ABCB11: variants seen among roughly 807,000 people sequenced by gnomAD.
ABCB11 encodes the protein bile salt export pump.
A neutral mutation model predicts 148.0 loss-of-function variants in ABCB11; 95 were observed. The ratio of observed to expected loss-of-function variants is 0.64; its 90% CI spans 0.54 to 0.76. ABCB11 has a LOEUF of 0.76. ABCB11 is among the 30% of genes least tolerant of loss of function. The probability of loss-of-function intolerance (pLI) is 0.00; values close to 1 mark genes in which losing one functional copy is unlikely to be tolerated. For synonymous variants in ABCB11, 591 were observed against 555.4 expected, an observed-to-expected ratio of 1.06 and a Z score of -0.90; for missense variants, 1,523 against 1,617.8, an observed-to-expected ratio of 0.94 and a Z score of 1.01.
At chr2:169,019,023 CAG>C (rs4148771) in intron 1 of ABCB11, among the ~76,000 whole-genome samples, 14,453 of 151,984 alleles carry the variant, frequency 0.095, 1,125 homozygotes, top group African/African-American at 0.22. Flanking sequence ...CCAAATCAAA[CAG>C]GGGGCTAGAG....
At chr2:169,022,750 A>T (rs1695573086) in intron 1 of ABCB11, among the ~76,000 whole-genome samples, 1 of 152,156 alleles carries the variant, frequency 6.6e-6, no homozygotes, top group African/African-American at 2.4e-5. Context: ...AAATAGGCTT[A>T]TAATTACTTC....
At chr2:168,942,042 AC>A in intron 21 of ABCB11, among the ~76,000 whole-genome samples, 1 of 152,112 alleles carries the variant, frequency 6.6e-6, no homozygotes, top group Middle Eastern at 3.4e-3. Flanking sequence ...TACCTAGAAA[AC>A]CCAGTAGACT....
At chr2:168,948,184 G>A (rs967721582) in intron 19 of ABCB11, among the ~76,000 whole-genome samples, 1 of 151,652 alleles carries the variant, frequency 6.6e-6, no homozygotes, top group African/African-American at 2.4e-5. Context: ...GATGGGTGAG[G>A]ATATTCTTTA....
At chr2:168,937,519 C>A (rs954402232) in intron 21 of ABCB11, among the ~76,000 whole-genome samples, 3 of 152,168 alleles carry the variant, frequency 2.0e-5, no homozygotes, top group Admixed American at 2.0e-4. Context: ...ATCCGAAGTT[C>A]ATTTATTGAC....
At chr2:168,919,943 G>T (rs1691027632), downstream of ABCB11, among the ~76,000 whole-genome samples, 1 of 152,094 alleles carries the variant, frequency 6.6e-6, no homozygotes, top group African/African-American at 2.4e-5. Context: ...CGCGATGTTG[G>T]GTCACTGCAG....
chr2:168,969,401 C>T lies in ABCB11; in HGVS notation c.1960G>A (p.Val654Met). The change falls in exon 16 of 28, where the codon GTG becomes ATG. Residue 654 changes from valine (V) to methionine (M), a missense_variant. Val to Met is a conservative substitution (Grantham distance 21). Transcript: ENST00000650372. ...LERKGVYFTL[V>M]TLQSQGNQAL... ...TGATTTCCCTGGCTTTGCAAAGTCA[C>T]TAGAGTGAAGTAAACACCTTTCCTT... 2 of 1,612,624 alleles carry T rather than the reference C, an allele frequency of 1.2e-6. No individual in the cohort carries two copies. Among genetic ancestry groups the T allele is most frequent in the Non-Finnish European group, 1.7e-6 (2 of 1,179,260 alleles).
At position 168,976,577 on chromosome 2, in the gene ABCB11, C is replaced by T. The variant is rs375118696; in HGVS notation, c.1308G>A (p.Lys436=). The T allele has an allele frequency of 3.8e-6, 6 of 1,561,840 alleles. No homozygotes were observed. The African/African-American group carries it at 5.4e-5, about 14-fold the overall frequency. The change falls in exon 12 of 28, where the codon AAG becomes AAA. Residue 436 remains lysine (K), a splice_region_variant and synonymous_variant. Transcript: ENST00000650372. Reference sequence around the variant, plus strand: ...TTCTGGGGAACAGACCAGCACTCACCTTCACCTCTGGTCTGGAAGGATAAT... The same window carrying T: ...TTCTGGGGAACAGACCAGCACTCACTTTCACCTCTGGTCTGGAAGGATAAT... ...TFHYPSRPEV[K]ILNDLNMVIK...
chr2:168,993,339 C>T (rs1038917429), intron 8 of ABCB11, among the ~76,000 whole-genome samples: 5 of 151,992 alleles, frequency 3.3e-5, no homozygotes, highest in South Asian at 2.1e-4. Context: ...GCCAGCTGTG[C>T]AGTCCCAGAC....
At chr2:168,924,001 A>G (rs1219832392) in intron 27 of ABCB11, among the ~76,000 whole-genome samples, 179 bp from the exon 28 acceptor site, 2 of 152,208 alleles carry the variant, frequency 1.3e-5, no homozygotes, top group African/African-American at 2.4e-5. Context: ...AGTGATTTCA[A>G]TGGCAGTGCA....
chr2:168,982,487 A>G (rs4148782), intron 10 of ABCB11, among the ~76,000 whole-genome samples: 82,833 of 151,826 alleles, frequency 0.55, 23,206 homozygotes, highest in African/African-American at 0.63. Flanking sequence ...CAGGAAGGTC[A>G]TGAAAGAACA....
intron 5 of ABCB11, among the ~76,000 whole-genome samples, chr2:169,007,769 A>G (rs1695067161): frequency 6.6e-6 from 1 of 152,186 alleles, no homozygotes; most frequent in Non-Finnish European, 1.5e-5. Context: ...AGAAGCAACA[A>G]AAGAACAAAC....
chr2:168,936,550 T>C (rs1234648006), intron 21 of ABCB11, 117 bp from the exon 22 acceptor site: 3 of 889,866 alleles, frequency 3.4e-6, no homozygotes, highest in Admixed American at 4.6e-5. Context: ...TAACAATATA[T>C]ATCATTTTAA....
At chr2:169,028,314 C>T (rs1194888456) in intron 1 of ABCB11, among the ~76,000 whole-genome samples, 1 of 151,832 alleles carries the variant, frequency 6.6e-6, no homozygotes, top group South Asian at 2.1e-4. Flanking sequence ...AGGCGTCAAG[C>T]AGGATGGCAG....
intron 11 of ABCB11, among the ~76,000 whole-genome samples, chr2:168,979,250 G>A (rs1318871198): frequency 6.6e-6 from 1 of 151,810 alleles, no homozygotes; most frequent in African/African-American, 2.4e-5. Flanking sequence ...CAACTTGGGG[G>A]CCTCTCTTCC....
intron 9 of ABCB11, 47 bp from the exon 10 acceptor site, chr2:168,986,331 G>GTTTAAAGC: frequency 6.6e-7 from 1 of 1,523,274 alleles, no homozygotes; most frequent in Admixed American, 1.7e-5. Context: ...AACAGCTCAA[G>GTTTAAAGC]TTATAATGTT....
At chr2:168,990,441 A>G (rs1182976765) in intron 9 of ABCB11, among the ~76,000 whole-genome samples, 1 of 152,054 alleles carries the variant, frequency 6.6e-6, no homozygotes, top group Non-Finnish European at 1.5e-5. Context: ...TTTCTGTGGT[A>G]TCAGTTGTAA....
chr2:169,003,612 T>C (rs1232708259), intron 5 of ABCB11, among the ~76,000 whole-genome samples: 1 of 152,050 alleles, frequency 6.6e-6, no homozygotes, highest in East Asian at 1.9e-4. Flanking sequence ...CTATTAATAG[T>C]AGTGGGATTA....
intron 22 of ABCB11, 42 bp from the exon 23 acceptor site, chr2:168,935,467 T>A: frequency 6.3e-7 from 1 of 1,579,584 alleles, no homozygotes; most frequent in South Asian, 1.2e-5. Context: ...AGGGCAGAAA[T>A]AACTCCTTTC....
At chr2:168,962,335 A>G (rs1171585591) in intron 18 of ABCB11, among the ~76,000 whole-genome samples, 2 of 151,700 alleles carry the variant, frequency 1.3e-5, no homozygotes, top group Non-Finnish European at 3.0e-5. Context: ...TGACTAGTAG[A>G]ACATAATATG....
Sources: gnomAD v4.1 joint callset for allele counts (sites outside exome capture counted in the v4.1 genomes callset) on GRCh38, gnomAD v4.1.1 for gene constraint, MANE v1.5 for transcripts, NCBI Gene and HGNC (gene_info 2026-07-23, HGNC 2026-07-21) for gene names.